TTC7B: variants seen among roughly 807,000 people sequenced by gnomAD.
TTC7B encodes tetratricopeptide repeat protein 7B.
In TTC7B, 28 loss-of-function variants were observed where a neutral mutation model predicts 106.8. That is an observed-to-expected ratio of 0.26 (90% CI 0.19 to 0.36). The LOEUF (loss-of-function observed/expected upper bound fraction) is 0.36. Ranked by LOEUF, TTC7B falls within the 10% of genes least tolerant of loss-of-function variation. TTC7B has a pLI of 1.00. For missense variants in TTC7B, 862 were observed against 1,076.4 expected, an observed-to-expected ratio of 0.80 and a Z score of 2.79; for synonymous variants, 405 against 430.6, an observed-to-expected ratio of 0.94 and a Z score of 0.74.
intron 5 of TTC7B, among the ~76,000 whole-genome samples, chr14:90,697,084 A>G (rs1887782807): frequency 6.6e-6 from 1 of 152,202 alleles, no homozygotes. Context: ...TGGGTACAGA[A>G]GGGATGGTAC....
Position 90,802,048 on chromosome 14 carries a change from C to T in TTC7B, c.121+14127G>A, listed in dbSNP as rs144572231. ...TGTACTCCAGCCTGGACAACAAGAG[C>T]GAAAACTCCATCTCAGGAAGGAAAA... On this transcript the variant is annotated intron_variant, in intron 1 of 19. Coordinates refer to ENST00000328459, the MANE Select transcript of TTC7B (RefSeq NM_001010854.2). This position sits in a 1 kb window ranked among gnomAD's most constrained non-coding sequence, Gnocchi z 4.7. 2.7e-3 allele frequency among the ~76,000 whole-genome samples: 395 copies of T among 145,558 alleles called. No individual in the cohort carries two copies. Among genetic ancestry groups the T allele is most frequent in the South Asian group, 4.5e-3 (21 of 4,628 alleles).
rs1262263218 is a variant in TTC7B, at chr14:90,634,251, C to A, written c.1751+9797G>T. ...AATCAGTTAACATTAACTTTTCATC[C>A]TTTTGTTTAGATATTTAATAGTTCA... On this transcript the variant is annotated intron_variant, in intron 15 of 19. Coordinates refer to ENST00000328459, the MANE Select transcript of TTC7B (RefSeq NM_001010854.2). Among the ~76,000 whole-genome samples, 4 of 152,042 alleles carry A rather than the reference C, an allele frequency of 2.6e-5. No homozygotes were observed. In the South Asian group the frequency reaches 6.2e-4, roughly 24 times the overall value.
chr14:90,541,706 GGCTGGGC>G, intron 19 of TTC7B, 117 bp from the exon 20 acceptor site: 1 of 771,378 alleles, frequency 1.3e-6, no homozygotes, highest in Admixed American at 3.3e-5. Flanking sequence ...ATCGCCATTG[GGCTGGGC>G]CCATAGTAAG....
At chr14:90,581,684 CAT>C (rs1891496460) in intron 18 of TTC7B, among the ~76,000 whole-genome samples, 2 of 152,200 alleles carry the variant, frequency 1.3e-5, no homozygotes, top group Non-Finnish European at 2.9e-5. Context: ...CAAAGGCTGA[CAT>C]AGGAGAGCAG....
At chr14:90,587,601 G>A (rs955450532) in intron 18 of TTC7B, among the ~76,000 whole-genome samples, 18 of 152,150 alleles carry the variant, frequency 1.2e-4, no homozygotes, top group African/African-American at 3.4e-4. Context: ...ATGAGGGGTC[G>A]CAGGGGCCTA....
intron 17 of TTC7B, among the ~76,000 whole-genome samples, chr14:90,602,353 C>T (rs1047522507): frequency 1.3e-5 from 2 of 152,220 alleles, no homozygotes; most frequent in Admixed American, 6.5e-5. Context: ...AATCAGTGGT[C>T]TAAGAAACAT....
At chr14:90,619,437 C>G (rs1380336857) in intron 15 of TTC7B, among the ~76,000 whole-genome samples, 1 of 152,216 alleles carries the variant, frequency 6.6e-6, no homozygotes, top group Non-Finnish European at 1.5e-5. Context: ...TCTACTCATG[C>G]ACATCTTTCT....
chr14:90,611,901 A>G (rs796691112), intron 16 of TTC7B, among the ~76,000 whole-genome samples: 5 of 152,194 alleles, frequency 3.3e-5, no homozygotes, highest in Non-Finnish European at 7.3e-5. Context: ...TGAGGTTTGA[A>G]TCTTCAATGC....
At chr14:90,661,951 C>T (rs1017890099) in intron 9 of TTC7B, among the ~76,000 whole-genome samples, 2 of 152,158 alleles carry the variant, frequency 1.3e-5, no homozygotes, top group Admixed American at 1.3e-4. Flanking sequence ...CACCGGAGGT[C>T]TAATTGGTAT....
intron 5 of TTC7B, among the ~76,000 whole-genome samples, chr14:90,727,825 C>A (rs1188082824): frequency 6.6e-6 from 1 of 152,210 alleles, no homozygotes. Context: ...TTCAGATACA[C>A]AGAAGAAAAC....
chr14:90,779,604 G>A (rs768817026), intron 3 of TTC7B, among the ~76,000 whole-genome samples: 6 of 152,058 alleles, frequency 3.9e-5, no homozygotes, highest in African/African-American at 9.7e-5. Flanking sequence ...GCACCTGGTC[G>A]AGATTTTAAA....
rs1163336345 is a variant in TTC7B, at chr14:90,575,638, G to A, written c.2310+2468C>T. Among the ~76,000 whole-genome samples the A allele has an allele frequency of 1.3e-5, 2 of 152,196 alleles. No homozygotes were observed. The highest frequency in any genetic ancestry group is 2.9e-5 in the Non-Finnish European group (2 of 68,026). On this transcript the variant is annotated intron_variant, in intron 19 of 19. Transcript: ENST00000328459. This position sits in a 1 kb window ranked among gnomAD's most constrained non-coding sequence, Gnocchi z 5.2. The stretch of plus-strand genomic sequence containing the variant: ...GGGGCTCCCCCTGGCTGTGGGCTGG[G>A]CTCCTGGGGACAGGCTGGGGAGAAC...
intron 5 of TTC7B, chr14:90,698,245 C>T (rs972213388): frequency 1.3e-5 from 2 of 151,920 alleles, no homozygotes; most frequent in African/African-American, 4.8e-5. Context: ...CACGGATAAT[C>T]AGAACAAAAA....
At chr14:90,630,831 G>GTTTTTTTTTTTT (rs201616174) in intron 15 of TTC7B, among the ~76,000 whole-genome samples, 1 of 141,864 alleles carries the variant, frequency 7.0e-6, no homozygotes, top group African/African-American at 2.5e-5. Context: ...CTTCTATCTT[G>GTTTTTTTTTTTT]TTTTTTGTTT....
intron 9 of TTC7B, among the ~76,000 whole-genome samples, chr14:90,671,109 G>A (rs1293758912): frequency 2.0e-5 from 3 of 152,018 alleles, no homozygotes; most frequent in East Asian, 1.9e-4. Flanking sequence ...ACCTTGGCAC[G>A]TAGCTCAAGG....
intron 19 of TTC7B, among the ~76,000 whole-genome samples, chr14:90,541,908 C>T (rs1019232757): frequency 1.3e-5 from 2 of 152,204 alleles, no homozygotes; most frequent in Admixed American, 6.5e-5. Flanking sequence ...CCCAGCGCGG[C>T]GTCAGCATGG....
chr14:90,617,969 G>A lies in TTC7B; in HGVS notation c.1828C>T (p.Leu610=). The A allele has an allele frequency of 6.2e-7, 1 of 1,613,978 alleles. No homozygotes were observed. Among genetic ancestry groups the A allele is most frequent in the Non-Finnish European group, 8.5e-7 (1 of 1,179,870 alleles). ...DEALLTCKHM[L]QIWKSCYNLT... is the part of the protein sequence containing the mutation. ...TTGTAGCAGGATTTCCATATCTGCA[G>A]CATGTGCTTACAAGTCAGCAGTGCC... is the stretch of plus-strand genomic sequence containing the variant. Residue 610 remains leucine (L), a synonymous_variant, in exon 16 of 20, where the codon CTG becomes TTG. Transcript: ENST00000328459.
intron 5 of TTC7B, among the ~76,000 whole-genome samples, chr14:90,701,712 A>C (rs1347636577): frequency 1.3e-5 from 2 of 151,314 alleles, no homozygotes; most frequent in Non-Finnish European, 1.5e-5. Flanking sequence ...ATATATATAC[A>C]CACACACAAA....
rs771473663 is a variant in TTC7B, at chr14:90,786,126, C to A, written c.276+48G>T. 9.3e-6 allele frequency: 14 copies of A among 1,499,548 alleles called. No individual in the cohort carries two copies. In the Admixed American group the frequency reaches 3.1e-4, roughly 33 times the overall value. The allele number at this position is 1,499,548 out of a possible 1,614,324, so 92.9% of individuals were successfully genotyped here. ...TCAACCCTGGGCACCCTTCTCAACCCCACACTGTCCAAAGGAAGTGTCGCC... is the reference window on the plus strand; with the variant it reads ...TCAACCCTGGGCACCCTTCTCAACCACACACTGTCCAAAGGAAGTGTCGCC... On this transcript the variant is annotated intron_variant, in intron 2 of 19. Coordinates refer to ENST00000328459, the MANE Select transcript of TTC7B (RefSeq NM_001010854.2).
Sources: allele counts gnomAD v4.1 joint callset (sites outside exome capture counted in the v4.1 genomes callset), GRCh38; gene constraint gnomAD v4.1.1; non-coding constraint Gnocchi (gnomAD v3.1); transcripts MANE v1.5; gene names NCBI Gene and HGNC (gene_info 2026-07-23, HGNC 2026-07-21).